Variants in PIK3CG observed in about 807,000 individuals in gnomAD.
PIK3CG encodes the protein phosphatidylinositol-4,5-bisphosphate 3-kinase catalytic subunit gamma.
PIK3CG carries 55 observed loss-of-function variants against 102.3 expected under a neutral mutation model. The observed-to-expected ratio is 0.54, with a 90% CI of 0.43 to 0.67. The LOEUF (loss-of-function observed/expected upper bound fraction) is 0.67, where lower values mean the gene tolerates loss of function less well. Among genes scored for constraint, PIK3CG ranks in the 30% least tolerant of loss-of-function variants. The probability of loss-of-function intolerance (pLI) is 0.00; values close to 1 mark genes in which losing one functional copy is unlikely to be tolerated. For synonymous variants in PIK3CG, 552 were observed against 540.0 expected (o/e 1.02, Z -0.31); for missense variants, 1,258 against 1,391.8 (o/e 0.90, Z 1.53).
Position 106,897,695 on chromosome 7 carries a change from C to T in PIK3CG, c.3031-7414C>T, listed in dbSNP as rs931938620. On this transcript the variant is annotated intron_variant, in intron 10 of 10. Coordinates refer to ENST00000496166, the MANE Select transcript of PIK3CG (RefSeq NM_001282426.2). The surrounding 1 kb of genome is among the most constrained non-coding windows in gnomAD (Gnocchi z 4.6). ...TAGCCCCCAGCTCCATCCATGTTCC[C>T]GCAAAAGACATGATCTCATTCTTTT... 7.9e-5 allele frequency among the ~76,000 whole-genome samples: 12 copies of T among 152,146 alleles called. No individual in the cohort carries two copies. Among genetic ancestry groups the T allele is most frequent in the East Asian group, 3.8e-4 (2 of 5,198 alleles).
At position 106,867,476 on chromosome 7, in the gene PIK3CG, T is replaced by G. The variant is rs1790326338; in HGVS notation, c.-12-74T>G. 2 of 1,361,070 alleles carry G rather than the reference T, an allele frequency of 1.5e-6. No homozygotes were observed. Among genetic ancestry groups the G allele is most frequent in the Non-Finnish European group, 2.0e-6 (2 of 994,792 alleles). The allele number at this position is 1,361,070 out of a possible 1,614,324, so 84.3% of individuals were successfully genotyped here. A position where few individuals can be genotyped will look rare whatever the true frequency, so the allele number is the denominator to read the frequency against. Reference sequence around the variant, plus strand: ...CATGTACGCCGCCTATACCTCCTCTTCCCTCATCTCACCAGAAAATATAAG... The same window carrying G: ...CATGTACGCCGCCTATACCTCCTCTGCCCTCATCTCACCAGAAAATATAAG... On this transcript the variant is annotated intron_variant, in intron 1 of 10. Transcript: ENST00000496166. This position sits in a 1 kb window ranked among gnomAD's most constrained non-coding sequence, Gnocchi z 5.1.
Position 106,894,036 on chromosome 7 carries a change from G to A in PIK3CG, c.3030+7744G>A, listed in dbSNP as rs372326187. ...ATCTTATGAAACAACTATGATAGAT[G>A]CAGTCCATGGTTGACCAAAACATTG... On this transcript the variant is annotated intron_variant, in intron 10 of 10. Coordinates refer to ENST00000496166, the MANE Select transcript of PIK3CG (RefSeq NM_001282426.2). This position sits in a 1 kb window ranked among gnomAD's most constrained non-coding sequence, Gnocchi z 4.4. 6.6e-6 allele frequency among the ~76,000 whole-genome samples: 1 copy of A among 152,202 alleles called. No homozygotes were observed. The highest frequency in any genetic ancestry group is 1.5e-5 in the Non-Finnish European group (1 of 68,028).
rs936320603 is a variant in PIK3CG, at chr7:106,907,779, A to AATAT, written c.*2401_*2404dup. On this transcript the variant is annotated 3_prime_UTR_variant, in exon 11 of 11. Transcript: ENST00000496166. ...AATATATATATAACATATATATGCT[A>AATAT]ATATATATATATCACACATATATAT... 6.8e-6 allele frequency among the ~76,000 whole-genome samples: 1 copy of AATAT among 147,128 alleles called. No homozygotes were observed.
rs962626913 is a variant in PIK3CG at position 106,879,171 on chromosome 7, A to T, written c.2392-348A>T. On this transcript the variant is annotated intron_variant, in intron 5 of 10. Transcript: ENST00000496166. This position sits in a 1 kb window ranked among gnomAD's most constrained non-coding sequence, Gnocchi z 4.9. ...ATTAAATCTCAGAAGGCGGACAAAT[A>T]TAATAGCCAGGTTGCTGTCTATTAA... 6.6e-6 allele frequency among the ~76,000 whole-genome samples: 1 copy of T among 152,208 alleles called. No homozygotes were observed. Among genetic ancestry groups the T allele is most frequent in the African/African-American group, 2.4e-5 (1 of 41,442 alleles).
rs192984331 is a variant in PIK3CG, at chr7:106,897,705, A to T, written c.3031-7404A>T. ...CTCCATCCATGTTCCCGCAAAAGAC[A>T]TGATCTCATTCTTTTTTATGGCTGC... On this transcript the variant is annotated intron_variant, in intron 10 of 10. Transcript: ENST00000496166. The surrounding 1 kb of genome is among the most constrained non-coding windows in gnomAD (Gnocchi z 4.6). 3.9e-5 allele frequency among the ~76,000 whole-genome samples: 6 copies of T among 152,336 alleles called. No individual in the cohort carries two copies. Among genetic ancestry groups the T allele is most frequent in the African/African-American group, 1.4e-4 (6 of 41,592 alleles).
rs1791441028 is a variant in PIK3CG at position 106,897,620 on chromosome 7, G to A, written c.3031-7489G>A. On this transcript the variant is annotated intron_variant, in intron 10 of 10. Transcript: ENST00000496166. This position sits in a 1 kb window ranked among gnomAD's most constrained non-coding sequence, Gnocchi z 4.6. Reference sequence around the variant, plus strand: ...TCATTTAGCTCCCACTTATAAGAGAGAACATGCAGTATTTGGATTTCTGTC... The same window carrying A: ...TCATTTAGCTCCCACTTATAAGAGAAAACATGCAGTATTTGGATTTCTGTC... Among the ~76,000 whole-genome samples, 2 of 152,282 alleles carry A rather than the reference G, an allele frequency of 1.3e-5. No homozygotes were observed. The highest frequency in any genetic ancestry group is 4.8e-5 in the African/African-American group (2 of 41,556).
chr7:106,905,775 C>A lies in PIK3CG; in HGVS notation c.*388C>A. On this transcript the variant is annotated 3_prime_UTR_variant, in exon 11 of 11. Transcript: ENST00000496166. This position sits in a 1 kb window ranked among gnomAD's most constrained non-coding sequence, Gnocchi z 5.6. ...TGGGTTTAGTCTCAATTTTGGTTAT[C>A]TTTGTGTTCCTCAAGCTCTTTAAAG... 3.7e-6 allele frequency: 1 copy of A among 269,698 alleles called. No individual in the cohort carries two copies. The allele number at this position is 269,698 out of a possible 1,614,324, so 16.7% of individuals were successfully genotyped here.
rs1191311153 is a variant in PIK3CG at position 106,893,624 on chromosome 7, G to C, written c.3030+7332G>C. ...TCTACTGGTCTCAGTTTCTAGAAAAGCTGTGCTTCTCCTAAATAGAGATGT... is the reference window on the plus strand; with the variant it reads ...TCTACTGGTCTCAGTTTCTAGAAAACCTGTGCTTCTCCTAAATAGAGATGT... On this transcript the variant is annotated intron_variant, in intron 10 of 10. Coordinates refer to ENST00000496166, the MANE Select transcript of PIK3CG (RefSeq NM_001282426.2). This position sits in a 1 kb window ranked among gnomAD's most constrained non-coding sequence, Gnocchi z 4.4. 6.6e-6 allele frequency among the ~76,000 whole-genome samples: 1 copy of C among 152,166 alleles called. No individual in the cohort carries two copies. The highest frequency in any genetic ancestry group is 6.5e-5 in the Admixed American group (1 of 15,282).
rs376453517 is a variant in PIK3CG at position 106,905,140 on chromosome 7, G to T, written c.3062G>T (p.Arg1021Leu). ...TGTGTTAAGGCTTATCTAGCCCTTC[G>T]TCATCACACAAACCTACTGATCATC... ...DICVKAYLALRHHTNLLIILF... is the reference protein window; with the variant it reads ...DICVKAYLALLHHTNLLIILF... The change falls in exon 11 of 11, where the codon CGT becomes CTT. Residue 1021 changes from arginine (R) to leucine (L), a missense_variant. Arg to Leu is a moderately radical substitution (Grantham distance 102). Around this residue, in one of 2 missense-constraint regions of PIK3CG, gnomAD observed 426 missense variants for 604.2 expected, o/e 0.71. Transcript: ENST00000496166. The surrounding 1 kb of genome is among the most constrained non-coding windows in gnomAD (Gnocchi z 5.6). 6.2e-7 allele frequency: 1 copy of T among 1,613,886 alleles called. No individual in the cohort carries two copies. The highest frequency in any genetic ancestry group is 8.5e-7 in the Non-Finnish European group (1 of 1,179,898).
intron 1 of PIK3CG, among the ~76,000 whole-genome samples, chr7:106,866,265 C>T (rs1790279044): frequency 6.6e-6 from 1 of 152,046 alleles, no homozygotes; most frequent in Non-Finnish European, 1.5e-5. Context: ...ATAATTGATT[C>T]GTTTAGAATA....
chr7:106,889,464 C>T (rs1791212154), intron 10 of PIK3CG, among the ~76,000 whole-genome samples: 1 of 152,098 alleles, frequency 6.6e-6, no homozygotes, highest in Admixed American at 6.5e-5. Context: ...TCTAAATTCT[C>T]CAAATAATGT....
At chr7:106,901,799 G>A (rs944744748) in intron 10 of PIK3CG, among the ~76,000 whole-genome samples, 5 of 152,184 alleles carry the variant, frequency 3.3e-5, no homozygotes, top group Admixed American at 2.6e-4. Flanking sequence ...CTGACTTCTT[G>A]TCCCTGGTTT....
At position 106,906,684 on chromosome 7, in the gene PIK3CG, T is replaced by A. The variant is rs993593863; in HGVS notation, c.*1297T>A. On this transcript the variant is annotated 3_prime_UTR_variant, in exon 11 of 11. Coordinates refer to ENST00000496166, the MANE Select transcript of PIK3CG (RefSeq NM_001282426.2). ...ACCATTAAATTATTTATAAAATATT[T>A]TGTAATTACCTGTAGCTAATACATT... 3 of 227,950 alleles carry A rather than the reference T, an allele frequency of 1.3e-5. No individual in the cohort carries two copies. Among genetic ancestry groups the A allele is most frequent in the Non-Finnish European group, 2.6e-5 (3 of 114,940 alleles). The allele number at this position is 227,950 out of a possible 1,614,324, so 14.1% of individuals were successfully genotyped here. A position where few individuals can be genotyped will look rare whatever the true frequency, so the allele number is the denominator to read the frequency against.
At chr7:106,875,875 C>T (rs1479230735) in intron 5 of PIK3CG, among the ~76,000 whole-genome samples, 2 of 150,362 alleles carry the variant, frequency 1.3e-5, no homozygotes, top group Non-Finnish European at 3.0e-5. Flanking sequence ...GTTTCACATC[C>T]TAGCAAGCAC....
At position 106,872,942 on chromosome 7, in the gene PIK3CG, C is replaced by T. The variant is rs1174039470; in HGVS notation, c.2287+4C>T. On this transcript the variant is annotated splice_donor_region_variant and intron_variant, in intron 4 of 10. Transcript: ENST00000496166. The surrounding 1 kb of genome is among the most constrained non-coding windows in gnomAD (Gnocchi z 5.3). ...AAGTATGACGTCAGTTCCCAAGGTACGGTGGCTATATTTTCTGTGTTCTCT... is the reference window on the plus strand; with the variant it reads ...AAGTATGACGTCAGTTCCCAAGGTATGGTGGCTATATTTTCTGTGTTCTCT... 2.5e-6 allele frequency: 4 copies of T among 1,589,570 alleles called. No individual in the cohort carries two copies. The highest frequency in any genetic ancestry group is 4.5e-5 in the East Asian group (2 of 44,758).
rs1346883020 is a variant in PIK3CG at position 106,886,188 on chromosome 7, C to T, written c.2926C>T (p.Leu976=). The part of the protein sequence containing the change: ...GHILGNYKSF[L]GINKERVPFV... ...CATTCTTGGGAATTACAAAAGTTTCCTGGGCATTAATAAAGAGAGAGTGCC... is the reference window on the plus strand; with the variant it reads ...CATTCTTGGGAATTACAAAAGTTTCTTGGGCATTAATAAAGAGAGAGTGCC... The change falls in exon 10 of 11, where the codon CTG becomes TTG. Residue 976 remains leucine (L), a synonymous_variant. Transcript: ENST00000496166. The T allele has an allele frequency of 9.9e-6, 16 of 1,613,966 alleles. No individual in the cohort carries two copies. The highest frequency in any genetic ancestry group is 1.3e-5 in the African/African-American group (1 of 74,916).
In PIK3CG at chr7:106,902,955, C is replaced by T. The variant is rs963938090; in HGVS notation, c.3031-2154C>T. Among the ~76,000 whole-genome samples, 2 of 152,032 alleles carry T rather than the reference C, an allele frequency of 1.3e-5. No individual in the cohort carries two copies. Among genetic ancestry groups the T allele is most frequent in the Non-Finnish European group, 2.9e-5 (2 of 68,002 alleles). The stretch of plus-strand genomic sequence containing the variant: ...ATGTTTTCCCTTTTTAAATTTAATT[C>T]ATCTGGAATTTATTTTTGGTATATC... On this transcript the variant is annotated intron_variant, in intron 10 of 10. Coordinates refer to ENST00000496166, the MANE Select transcript of PIK3CG (RefSeq NM_001282426.2). The surrounding 1 kb of genome is among the most constrained non-coding windows in gnomAD (Gnocchi z 4.3).
rs763939338 is a variant in PIK3CG, at chr7:106,868,112, G to T, written c.551G>T (p.Arg184Leu). The T allele has an allele frequency of 6.2e-7, 1 of 1,612,970 alleles. No individual in the cohort carries two copies. The highest frequency in any genetic ancestry group is 8.5e-7 in the Non-Finnish European group (1 of 1,179,518). Residue 184 changes from arginine (R) to leucine (L), a missense_variant, in exon 2 of 11, where the codon CGC (arginine) becomes CTC (leucine). By Grantham distance (102) the Arg-to-Leu change is moderately radical (BLOSUM62 -2). Around this residue, in one of 2 missense-constraint regions of PIK3CG, gnomAD observed 832 missense variants for 787.5 expected, o/e 1.06. Coordinates refer to ENST00000496166, the MANE Select transcript of PIK3CG (RefSeq NM_001282426.2). This position sits in a 1 kb window ranked among gnomAD's most constrained non-coding sequence, Gnocchi z 6.2. ...EFTRRGLVTP[R>L]MAEVASRDPK... ...ACGCGCCGTGGCTTGGTGACCCCGC[G>T]CATGGCGGAGGTGGCCAGCCGCGAC...
Position 106,874,754 on chromosome 7 carries a change from A to G in PIK3CG, c.2342A>G (p.Glu781Gly), listed in dbSNP as rs1380291752. ...AACCTGCAGAATTCTCAACTCCCCGAAAGCTTTAGAGTTCCATATGATCCT... is the reference window on the plus strand; with the variant it reads ...AACCTGCAGAATTCTCAACTCCCCGGAAGCTTTAGAGTTCCATATGATCCT... ...LENLQNSQLP[E>G]SFRVPYDPGL... Residue 781 changes from glutamate to glycine, a missense_variant, in exon 5 of 11, where the codon GAA becomes GGA. Glu to Gly is a moderately conservative substitution (Grantham distance 98). Transcript: ENST00000496166. The surrounding 1 kb of genome is among the most constrained non-coding windows in gnomAD (Gnocchi z 4.3). 6.2e-7 allele frequency: 1 copy of G among 1,614,012 alleles called. No individual in the cohort carries two copies. The highest frequency in any genetic ancestry group is 8.5e-7 in the Non-Finnish European group (1 of 1,179,994).
Sources: allele counts gnomAD v4.1 joint callset (sites outside exome capture counted in the v4.1 genomes callset), GRCh38; gene constraint gnomAD v4.1.1; regional missense constraint gnomAD v4.1.1; non-coding constraint Gnocchi (gnomAD v3.1); transcripts MANE v1.5; gene names NCBI Gene and HGNC (gene_info 2026-07-23, HGNC 2026-07-21).